PDE5A: variants seen among roughly 807,000 people sequenced by gnomAD.
PDE5A encodes the protein cGMP-specific 3',5'-cyclic phosphodiesterase.
A neutral mutation model predicts 110.2 loss-of-function variants in PDE5A; 67 were observed. The ratio of observed to expected loss-of-function variants is 0.61; its 90% CI spans 0.50 to 0.75. PDE5A has a LOEUF of 0.75. Among genes scored for constraint, PDE5A ranks in the 30% least tolerant of loss-of-function variants. The pLI is 0.00. For missense variants in PDE5A, 862 were observed against 1,045.1 expected (o/e 0.82, Z 2.42); for synonymous variants, 328 against 351.2 (o/e 0.93, Z 0.74).
At chr4:119,540,918 T>A (rs1160668237) in intron 10 of PDE5A, among the ~76,000 whole-genome samples, 1 of 152,168 alleles carries the variant, frequency 6.6e-6, no homozygotes, top group Non-Finnish European at 1.5e-5. Context: ...AAAAACTTTT[T>A]ATACTAGGTA....
chr4:119,597,172 C>T (rs1004901128), intron 2 of PDE5A, among the ~76,000 whole-genome samples: 18 of 152,058 alleles, frequency 1.2e-4, no homozygotes, highest in African/African-American at 3.6e-4. Flanking sequence ...ACATTATACA[C>T]ACCCAATAAT....
At chr4:119,565,887 C>T (rs527466726) in intron 4 of PDE5A, among the ~76,000 whole-genome samples, 20 of 150,572 alleles carry the variant, frequency 1.3e-4, no homozygotes, top group Non-Finnish European at 2.8e-4. Flanking sequence ...ATCTATCATC[C>T]TCATTAAACT....
At chr4:119,621,953 C>T (rs1445927946) in intron 1 of PDE5A, among the ~76,000 whole-genome samples, 1 of 151,788 alleles carries the variant, frequency 6.6e-6, no homozygotes, top group African/African-American at 2.4e-5. Flanking sequence ...GGGGGATCAC[C>T]AAGTCAGGAG....
At position 119,558,785 on chromosome 4, in the gene PDE5A, C is replaced by T. The variant is rs74986040; in HGVS notation, c.1199+1511G>A. Among the ~76,000 whole-genome samples the T allele has an allele frequency of 9.3e-5, 14 of 150,996 alleles. No homozygotes were observed. The East Asian group carries it at 2.5e-3, about 27-fold the overall frequency. Reference sequence around the variant, plus strand: ...ACAAAAAATTAGCCGGGCGTAGTGGCGGGCGCCTGTAGTCCCAGCTACTTG... The same window carrying T: ...ACAAAAAATTAGCCGGGCGTAGTGGTGGGCGCCTGTAGTCCCAGCTACTTG... On this transcript the variant is annotated intron_variant, in intron 7 of 20. Transcript: ENST00000354960.
At chr4:119,548,044 A>ATTTTTTTTT (rs11438089) in intron 9 of PDE5A, among the ~76,000 whole-genome samples, 2 of 94,782 alleles carry the variant, frequency 2.1e-5, no homozygotes, top group African/African-American at 4.2e-5. Context: ...TTCTCCGTGT[A>ATTTTTTTTT]TTTTTTTTTT....
chr4:119,565,964 TTATTATAA>T (rs1727917448), intron 4 of PDE5A, among the ~76,000 whole-genome samples: 2 of 80,598 alleles, frequency 2.5e-5, no homozygotes, highest in East Asian at 1.0e-3. Context: ...TTAATTAATA[TTATTATAA>T]TTAATAATAA....
chr4:119,556,320 C>A (rs566754726), intron 7 of PDE5A, among the ~76,000 whole-genome samples: 1 of 152,282 alleles, frequency 6.6e-6, no homozygotes, highest in South Asian at 2.1e-4. Flanking sequence ...GTGATACATG[C>A]TGTCTGTCCC....
At position 119,496,813 on chromosome 4, in the gene PDE5A, T is replaced by C. The variant is rs908927684; in HGVS notation, c.*1788A>G. On this transcript the variant is annotated 3_prime_UTR_variant, in exon 21 of 21. Coordinates refer to ENST00000354960, the MANE Select transcript of PDE5A (RefSeq NM_001083.4). ...AAGGGGCAACCTTACAAATTTTATCTGTATGGCAAAAAAAATAAAATATCC... is the reference window on the plus strand; with the variant it reads ...AAGGGGCAACCTTACAAATTTTATCCGTATGGCAAAAAAAATAAAATATCC... 3 of 152,484 alleles carry C rather than the reference T, an allele frequency of 2.0e-5. No individual in the cohort carries two copies. Among genetic ancestry groups the C allele is most frequent in the African/African-American group, 7.2e-5 (3 of 41,436 alleles). The allele number at this position is 152,484 out of a possible 1,614,324, so 9.4% of individuals were successfully genotyped here. A position where few individuals can be genotyped will look rare whatever the true frequency, so the allele number is the denominator to read the frequency against.
At chr4:119,543,041 A>AACAAACAC in intron 9 of PDE5A, 1 of 30,728 alleles carries the variant, frequency 3.3e-5, no homozygotes, top group Non-Finnish European at 6.8e-5. Context: ...CCAGAAGTTA[A>AACAAACAC]ACATACACAC....
chr4:119,583,806 A>G (rs1728669211), intron 3 of PDE5A, among the ~76,000 whole-genome samples: 1 of 152,206 alleles, frequency 6.6e-6, no homozygotes, highest in Non-Finnish European at 1.5e-5. Context: ...AATGGCAAAC[A>G]TGGCCTGTAT....
chr4:119,609,264 A>C (rs1247731773), intron 1 of PDE5A, among the ~76,000 whole-genome samples: 1 of 152,242 alleles, frequency 6.6e-6, no homozygotes, highest in African/African-American at 2.4e-5. Context: ...ATACAAGGGT[A>C]TTTACTGTAT....
chr4:119,556,788 G>C (rs1024764913), intron 7 of PDE5A, among the ~76,000 whole-genome samples: 1 of 152,128 alleles, frequency 6.6e-6, no homozygotes, highest in African/African-American at 2.4e-5. Context: ...AAAACAAAAC[G>C]AAACAGTATA....
In PDE5A at chr4:119,562,750, C is replaced by G. The variant is rs1727786252; in HGVS notation, c.1131+83G>C. On this transcript the variant is annotated intron_variant, in intron 6 of 20. Transcript: ENST00000354960. The stretch of plus-strand genomic sequence containing the variant: ...TTGGGTTTGAGAGAGGGTTCTAAGA[C>G]CAAAATGAGGTTTAAAAGTAGTGCT... The G allele has an allele frequency of 3.2e-6, 4 of 1,235,742 alleles. No homozygotes were observed. The East Asian group carries it at 1.1e-4, about 33-fold the overall frequency. 76.5% of individuals were successfully genotyped at this position (1,235,742 alleles called of 1,614,324 possible).
Position 119,502,869 on chromosome 4 carries a change from T to C in PDE5A, c.2332-214A>G, listed in dbSNP as rs183093047. Among the ~76,000 whole-genome samples the C allele has an allele frequency of 4.8e-3, 724 of 152,276 alleles. 21 individuals carry two copies. Among genetic ancestry groups the C allele is most frequent in the Admixed American group, 0.044 (679 of 15,278 alleles). On this transcript the variant is annotated intron_variant, in intron 18 of 20. Transcript: ENST00000354960. The stretch of plus-strand genomic sequence containing the variant: ...TTCACTTAGGTACATCTCTCTGTCT[T>C]TGGTAGCTTCCAACATTTTTCCCTT...
chr4:119,503,120 A>G (rs907302229), intron 18 of PDE5A, among the ~76,000 whole-genome samples: 1 of 152,040 alleles, frequency 6.6e-6, no homozygotes, highest in African/African-American at 2.4e-5. Context: ...GCACATGGAG[A>G]ATGAGTTTTT....
At chr4:119,540,146 G>A (rs1726876486) in intron 10 of PDE5A, among the ~76,000 whole-genome samples, 1 of 151,772 alleles carries the variant, frequency 6.6e-6, no homozygotes, top group African/African-American at 2.4e-5. Context: ...ATTTTTGAGA[G>A]AGACAACACA....
chr4:119,533,345 G>T (rs1392617908), intron 11 of PDE5A, among the ~76,000 whole-genome samples: 1 of 152,066 alleles, frequency 6.6e-6, no homozygotes, highest in Non-Finnish European at 1.5e-5. Context: ...TTTGAATAAA[G>T]CCACCTTGAC....
At chr4:119,563,053 T>A in intron 5 of PDE5A, 83 bp from the exon 6 acceptor site, 1 of 1,176,816 alleles carries the variant, frequency 8.5e-7, no homozygotes, top group Non-Finnish European at 1.2e-6. Context: ...TTATAAATTG[T>A]TTATATAACC....
chr4:119,503,816 T>G (rs559651085), intron 18 of PDE5A, among the ~76,000 whole-genome samples: 2 of 152,138 alleles, frequency 1.3e-5, no homozygotes, highest in Non-Finnish European at 2.9e-5. Flanking sequence ...ACAAATATTA[T>G]GTGCAAATGC....
Sources: gnomAD v4.1 joint callset for allele counts (sites outside exome capture counted in the v4.1 genomes callset) on GRCh38, gnomAD v4.1.1 for gene constraint, MANE v1.5 for transcripts, NCBI Gene and HGNC (gene_info 2026-07-23, HGNC 2026-07-21) for gene names.